MYO5B: variants seen among roughly 807,000 people sequenced by gnomAD.
MYO5B encodes myosin VB.
MYO5B carries 143 observed loss-of-function variants against 229.3 expected under a neutral mutation model. The observed-to-expected ratio is 0.62, with a 90% confidence interval of 0.54 to 0.72. MYO5B has a LOEUF of 0.72. MYO5B is among the 30% of genes least tolerant of loss of function. MYO5B has a pLI of 0.00. For missense variants in MYO5B, 2,321 were observed against 2,331.0 expected (o/e 1.00, Z 0.09); for synonymous variants, 918 against 885.2 (o/e 1.04, Z -0.66).
chr18:49,924,112 G>A (rs1249582212), intron 17 of MYO5B, among the ~76,000 whole-genome samples: 1 of 152,124 alleles, frequency 6.6e-6, no homozygotes, highest in East Asian at 1.9e-4. Flanking sequence ...CTTTCTAATT[G>A]CTTGAAGAGG....
chr18:50,012,164 C>A (rs758112276), intron 4 of MYO5B, among the ~76,000 whole-genome samples: 1 of 152,188 alleles, frequency 6.6e-6, no homozygotes, highest in Non-Finnish European at 1.5e-5. Context: ...TTTTAAAATT[C>A]CACAAGTGCT....
intron 2 of MYO5B, among the ~76,000 whole-genome samples, chr18:50,044,848 A>C (rs1267414138): frequency 6.6e-6 from 1 of 151,606 alleles, no homozygotes; most frequent in East Asian, 1.9e-4. Context: ...TGCTTTGTCC[A>C]GGGGGGTTTG....
chr18:50,020,260 A>C (rs1304069695), intron 4 of MYO5B, among the ~76,000 whole-genome samples: 1 of 152,216 alleles, frequency 6.6e-6, no homozygotes, highest in African/African-American at 2.4e-5. Context: ...CAACATCATC[A>C]GAAACATAAA....
intron 13 of MYO5B, 147 bp downstream of exon 13, chr18:49,954,166 G>A (rs2025465162): frequency 2.5e-6 from 3 of 1,191,136 alleles, no homozygotes; most frequent in Non-Finnish European, 3.7e-6. Context: ...GTAGAGGGGT[G>A]GGTAAAAGAG....
At chr18:50,097,518 T>C (rs1460497759) in intron 1 of MYO5B, 3 of 330,062 alleles carry the variant, frequency 9.1e-6, no homozygotes, top group African/African-American at 4.3e-5. Flanking sequence ...ATTTAAATCA[T>C]TGTCCTAAGG....
At position 50,080,164 on chromosome 18, in the gene MYO5B, G is replaced by A. The variant is rs556018028; in HGVS notation, c.28-24786C>T. ...AGGAAACAACCCATCAACCAGTACC[G>A]CTTTAAAAAGACACGAGAGAAGGAA... On this transcript the variant is annotated intron_variant, in intron 1 of 39. Coordinates refer to ENST00000285039, the MANE Select transcript of MYO5B (RefSeq NM_001080467.3). 2.0e-4 allele frequency among the ~76,000 whole-genome samples: 30 copies of A among 152,200 alleles called. No homozygotes were observed. The South Asian group carries it at 5.6e-3, about 28-fold the overall frequency.
At chr18:49,881,832 T>G (rs2144110101) in intron 22 of MYO5B, among the ~76,000 whole-genome samples, 1 of 150,486 alleles carries the variant, frequency 6.6e-6, no homozygotes, top group African/African-American at 2.4e-5. Context: ...CGAAGAAAGT[T>G]CTTAAAAAAT....
intron 4 of MYO5B, among the ~76,000 whole-genome samples, chr18:50,001,759 G>A (rs72912001): frequency 1.8e-4 from 27 of 151,636 alleles, no homozygotes; most frequent in African/African-American, 5.6e-4. Flanking sequence ...CAGACCAGGC[G>A]TGGTGGCTCA....
At chr18:50,111,027 A>T (rs73430312) in intron 1 of MYO5B, among the ~76,000 whole-genome samples, 23,229 of 152,200 alleles carry the variant, frequency 0.15, 3,243 homozygotes, top group African/African-American at 0.38. Context: ...CTCTTCAGAA[A>T]GTCACTTAAT....
intron 10 of MYO5B, among the ~76,000 whole-genome samples, chr18:49,968,976 C>T (rs1186172800): frequency 6.6e-6 from 1 of 152,218 alleles, no homozygotes; most frequent in Non-Finnish European, 1.5e-5. Flanking sequence ...CACCTCAGAA[C>T]AATTCGGGAA....
At position 49,993,092 on chromosome 18, in the gene MYO5B, G is replaced by C. The variant is rs577201593; in HGVS notation, c.613-661C>G. ...AACACTAGACGATAATTTTTAAAATGAGTGGATATGGGACTAATTTTATCG... is the reference window on the plus strand; with the variant it reads ...AACACTAGACGATAATTTTTAAAATCAGTGGATATGGGACTAATTTTATCG... On this transcript the variant is annotated intron_variant, in intron 5 of 39. Coordinates refer to ENST00000285039, the MANE Select transcript of MYO5B (RefSeq NM_001080467.3). Among the ~76,000 whole-genome samples the C allele has an allele frequency of 1.4e-4, 22 of 152,238 alleles. No individual in the cohort carries two copies. In the East Asian group the frequency reaches 3.9e-3, roughly 27 times the overall value.
Position 50,102,360 on chromosome 18 carries a change from A to G in MYO5B, c.28-46982T>C, listed in dbSNP as rs80010111. The stretch of plus-strand genomic sequence containing the variant: ...TACATATCCTACCCAGAACTTAAAG[A>G]AAAAAAAAAGCCTCCAAATCTTAAC... On this transcript the variant is annotated intron_variant, in intron 1 of 39. Transcript: ENST00000285039. Among the ~76,000 whole-genome samples the G allele has an allele frequency of 3.5e-3, 480 of 137,132 alleles. 5 individuals are homozygous for G. The East Asian group carries it at 0.078, about 22-fold the overall frequency. 90.0% of individuals were successfully genotyped at this position (137,132 alleles called of 152,430 possible). A position where few individuals can be genotyped will look rare whatever the true frequency, so the allele number is the denominator to read the frequency against.
intron 10 of MYO5B, among the ~76,000 whole-genome samples, chr18:49,968,004 G>A (rs889692353): frequency 6.6e-6 from 1 of 152,106 alleles, no homozygotes; most frequent in Non-Finnish European, 1.5e-5. Flanking sequence ...CTCCAATGCA[G>A]GACAGGAAAA....
intron 33 of MYO5B, 151 bp downstream of exon 33, chr18:49,846,995 G>C: frequency 1.1e-6 from 1 of 925,840 alleles, no homozygotes; most frequent in Non-Finnish European, 1.7e-6. Context: ...GGGAGTGGAA[G>C]ATGGGGGCAG....
chr18:50,029,741 C>T (rs1237252494), intron 4 of MYO5B, among the ~76,000 whole-genome samples: 1 of 152,172 alleles, frequency 6.6e-6, no homozygotes, highest in Non-Finnish European at 1.5e-5. Context: ...CAATGTTCCC[C>T]TCAAAGTGTG....
chr18:49,961,421 A>G (rs1345233869), intron 12 of MYO5B, among the ~76,000 whole-genome samples: 1 of 152,248 alleles, frequency 6.6e-6, no homozygotes, highest in Non-Finnish European at 1.5e-5. Context: ...TTCAAAGGCA[A>G]CAAAACTAGG....
intron 1 of MYO5B, among the ~76,000 whole-genome samples, chr18:50,086,384 ATATACTACG>A (rs201866935): frequency 0.038 from 5,742 of 152,266 alleles, 354 homozygotes; most frequent in African/African-American, 0.13. Flanking sequence ...AAATGGTAGC[ATATACTACG>A]TATTCTACAT....
intron 1 of MYO5B, among the ~76,000 whole-genome samples, chr18:50,131,366 C>A (rs2032252053): frequency 6.6e-6 from 1 of 152,138 alleles, no homozygotes; most frequent in African/African-American, 2.4e-5. Flanking sequence ...TCTTTGAGCA[C>A]ACCAATAGGA....
chr18:49,828,147 G>A (rs1225119563), intron 39 of MYO5B, among the ~76,000 whole-genome samples: 1 of 152,176 alleles, frequency 6.6e-6, no homozygotes, highest in African/African-American at 2.4e-5. Context: ...TATGGAACCT[G>A]TGGATATGGA....
Sources: allele counts gnomAD v4.1 joint callset (sites outside exome capture counted in the v4.1 genomes callset), GRCh38; gene constraint gnomAD v4.1.1; transcripts MANE v1.5; gene names NCBI Gene and HGNC (gene_info 2026-07-23, HGNC 2026-07-21).